SNAP91: variants seen among roughly 807,000 people sequenced by gnomAD.
The protein encoded by SNAP91 is synaptosome associated protein 91, also known as clathrin coat assembly protein AP180.
SNAP91 carries 27 observed loss-of-function variants against 100.3 expected under a neutral mutation model. The ratio of observed to expected loss-of-function variants is 0.27; its 90% CI spans 0.20 to 0.37. The LOEUF is 0.37. Among genes scored for constraint, SNAP91 ranks in the 10% least tolerant of loss-of-function variants. The probability of loss-of-function intolerance (pLI) is 1.00; values close to 1 mark genes in which losing one functional copy is unlikely to be tolerated. For synonymous variants in SNAP91, 404 were observed against 398.6 expected, an observed-to-expected ratio of 1.01 and a Z score of -0.16; for missense variants, 986 against 1,123.7, an observed-to-expected ratio of 0.88 and a Z score of 1.75.
chr6:83,592,897 T>G (rs748901622), intron 20 of SNAP91, 49 bp downstream of exon 20: 72 of 1,347,780 alleles, frequency 5.3e-5, no homozygotes, highest in Non-Finnish European at 7.0e-5. Flanking sequence ...TCTCTATGCA[T>G]TACTTCCACA....
chr6:83,660,031 A>G (rs1586170232), intron 5 of SNAP91, among the ~76,000 whole-genome samples: 2 of 152,222 alleles, frequency 1.3e-5, no homozygotes, highest in African/African-American at 4.8e-5. Context: ...GAGGAGCAGC[A>G]GTATTGTAAT....
chr6:83,692,900 C>A (rs1302239191), intron 2 of SNAP91, among the ~76,000 whole-genome samples: 3 of 152,110 alleles, frequency 2.0e-5, no homozygotes, highest in Non-Finnish European at 4.4e-5. Flanking sequence ...GATCTCACCC[C>A]ATTTTTCCTT....
chr6:83,675,007 C>T (rs192285254), intron 2 of SNAP91, among the ~76,000 whole-genome samples: 2 of 152,190 alleles, frequency 1.3e-5, no homozygotes, highest in African/African-American at 4.8e-5. Flanking sequence ...TCAAATGAAA[C>T]GACCTACTGA....
chr6:83,580,419 A>T, intron 24 of SNAP91, 31 bp downstream of exon 24: 1 of 743,128 alleles, frequency 1.3e-6, no homozygotes, highest in Non-Finnish European at 1.7e-6. Flanking sequence ...TGCTTCAGTT[A>T]AAGAAAAAAA....
chr6:83,656,516 A>G (rs1248738691), intron 7 of SNAP91, among the ~76,000 whole-genome samples: 2 of 152,160 alleles, frequency 1.3e-5, no homozygotes, highest in South Asian at 4.1e-4. Context: ...AATTCCTTTT[A>G]CTAGGGGTGG....
chr6:83,566,515 G>T (rs1390146738), intron 26 of SNAP91, among the ~76,000 whole-genome samples: 1 of 152,122 alleles, frequency 6.6e-6, no homozygotes, highest in African/African-American at 2.4e-5. Flanking sequence ...AGAGAAAAGG[G>T]CTTTATTAGC....
intron 26 of SNAP91, among the ~76,000 whole-genome samples, chr6:83,564,316 C>G (rs1162342053): frequency 6.7e-6 from 1 of 149,536 alleles, no homozygotes; most frequent in East Asian, 2.0e-4. Context: ...TAGGCTCTTC[C>G]TTTCTTTCTT....
At chr6:83,701,982 G>T (rs562313423) in intron 2 of SNAP91, among the ~76,000 whole-genome samples, 1 of 152,192 alleles carries the variant, frequency 6.6e-6, no homozygotes, top group African/African-American at 2.4e-5. Context: ...TTGACACAGG[G>T]TATACCATTC....
chr6:83,629,209 C>T (rs1196006131), intron 8 of SNAP91, among the ~76,000 whole-genome samples: 1 of 152,072 alleles, frequency 6.6e-6, no homozygotes, highest in Non-Finnish European at 1.5e-5. Flanking sequence ...CTGTTCTGTT[C>T]CATTGGTCTA....
rs1020640077 is a variant in SNAP91, at chr6:83,559,992, C to A, written c.2631+112G>T. 6 of 856,314 alleles carry A rather than the reference C, an allele frequency of 7.0e-6. No homozygotes were observed. The African/African-American group carries it at 1.0e-4, about 14-fold the overall frequency. 53.0% of individuals were successfully genotyped at this position (856,314 alleles called of 1,614,324 possible). On this transcript the variant is annotated intron_variant, in intron 28 of 29. Transcript: ENST00000369694. Reference sequence around the variant, plus strand: ...TTCCAAGCTCCCTTTACTTCTGAAGCAACAGGTATGAGGATTACATTAGGT... The same window carrying A: ...TTCCAAGCTCCCTTTACTTCTGAAGAAACAGGTATGAGGATTACATTAGGT...
In SNAP91 at chr6:83,707,784, A is replaced by G; in HGVS notation, c.130+14T>C. On this transcript the variant is annotated intron_variant, in intron 2 of 29. Coordinates refer to ENST00000369694, the MANE Select transcript of SNAP91 (RefSeq NM_001242792.2). ...TGCCGTGCGCATGTCCCTCTTATAT[A>G]AAGAGATGCTTACAGTCCAGGTGCT... 6.2e-7 allele frequency: 1 copy of G among 1,612,476 alleles called. No individual in the cohort carries two copies. The highest frequency in any genetic ancestry group is 1.1e-5 in the South Asian group (1 of 90,758).
intron 2 of SNAP91, among the ~76,000 whole-genome samples, chr6:83,699,776 T>C (rs1008132416): frequency 6.6e-6 from 1 of 152,172 alleles, no homozygotes; most frequent in African/African-American, 2.4e-5. Context: ...AAGATTTGAA[T>C]GCAGCCCCCG....
At chr6:83,632,824 C>T (rs953355598) in intron 8 of SNAP91, among the ~76,000 whole-genome samples, 4 of 152,156 alleles carry the variant, frequency 2.6e-5, no homozygotes, top group Non-Finnish European at 5.9e-5. Context: ...TACTGGGCTT[C>T]GCCTTTCTCT....
chr6:83,634,289 C>T (rs1397758078), intron 8 of SNAP91, among the ~76,000 whole-genome samples: 1 of 152,044 alleles, frequency 6.6e-6, no homozygotes, highest in Admixed American at 6.6e-5. Context: ...CTGTATTTTG[C>T]TTGGCTCTCT....
intron 7 of SNAP91, among the ~76,000 whole-genome samples, chr6:83,642,180 T>A (rs2097734150): frequency 6.6e-6 from 1 of 151,772 alleles, no homozygotes; most frequent in Admixed American, 6.6e-5. Flanking sequence ...TCAGTATTCT[T>A]TTTTTAATTT....
intron 22 of SNAP91, among the ~76,000 whole-genome samples, chr6:83,588,568 C>A (rs2093213058): frequency 6.6e-6 from 1 of 152,184 alleles, no homozygotes; most frequent in African/African-American, 2.4e-5. Flanking sequence ...CCAAGCTGTG[C>A]AGCTGTGGCA....
intron 2 of SNAP91, among the ~76,000 whole-genome samples, chr6:83,685,385 G>A: frequency 6.6e-6 from 1 of 152,150 alleles, no homozygotes. Context: ...GAAAAATAAG[G>A]AAATAATAAA....
chr6:83,695,315 A>AAAAAG (rs1242753507), intron 2 of SNAP91, among the ~76,000 whole-genome samples: 4 of 151,052 alleles, frequency 2.6e-5, no homozygotes, highest in African/African-American at 7.3e-5. Context: ...AAAGAAAAAG[A>AAAAAG]AAAAGAAAAG....
chr6:83,703,699 G>A (rs188307743), intron 2 of SNAP91, among the ~76,000 whole-genome samples: 1 of 152,020 alleles, frequency 6.6e-6, no homozygotes, highest in Non-Finnish European at 1.5e-5. Flanking sequence ...TAAAATTCTA[G>A]TATCTCTCAA....
Sources: allele counts gnomAD v4.1 joint callset (sites outside exome capture counted in the v4.1 genomes callset), GRCh38; gene constraint gnomAD v4.1.1; transcripts MANE v1.5; gene names NCBI Gene and HGNC (gene_info 2026-07-23, HGNC 2026-07-21).